ARHGAP44: variants seen among roughly 807,000 people sequenced by gnomAD.
ARHGAP44 encodes the protein rho GTPase-activating protein 44.
ARHGAP44 carries 43 observed loss-of-function variants against 106.8 expected under a neutral mutation model. The ratio of observed to expected loss-of-function variants is 0.40; its 90% CI spans 0.32 to 0.52. The LOEUF (loss-of-function observed/expected upper bound fraction) is 0.52, where lower values mean the gene tolerates loss of function less well. ARHGAP44 is among the 20% of genes least tolerant of loss of function. The probability of loss-of-function intolerance (pLI) is 0.48; values close to 1 mark genes in which losing one functional copy is unlikely to be tolerated. For synonymous variants in ARHGAP44, 439 were observed against 410.3 expected, an observed-to-expected ratio of 1.07 and a Z score of -0.85; for missense variants, 866 against 1,050.5, an observed-to-expected ratio of 0.82 and a Z score of 2.43.
chr17:12,973,025 TCTTC>T (rs1237449213), intron 16 of ARHGAP44: 3 of 403,106 alleles, frequency 7.4e-6, no homozygotes, highest in Non-Finnish European at 1.3e-5. Flanking sequence ...CCAGTTTCTT[TCTTC>T]CTTCTGCCTC....
chr17:12,922,314 C>T (rs776348355), intron 6 of ARHGAP44, among the ~76,000 whole-genome samples: 12 of 152,154 alleles, frequency 7.9e-5, no homozygotes, highest in South Asian at 2.1e-4. Context: ...ACCTCTTTAG[C>T]GTGCTTGGAG....
intron 1 of ARHGAP44, among the ~76,000 whole-genome samples, chr17:12,843,815 C>T (rs2035488570): frequency 6.6e-6 from 1 of 151,956 alleles, no homozygotes; most frequent in Non-Finnish European, 1.5e-5. Context: ...GCCACCATGC[C>T]TGGCTAATTT....
At chr17:12,913,876 A>G (rs2108539) in intron 4 of ARHGAP44, among the ~76,000 whole-genome samples, 109,330 of 151,280 alleles carry the variant, frequency 0.72, 39,778 homozygotes, top group East Asian at 0.98. Flanking sequence ...GGCTGAAGCA[A>G]GAGAATTGCT....
chr17:12,823,499 A>C (rs1275878876), intron 1 of ARHGAP44, among the ~76,000 whole-genome samples: 1 of 151,748 alleles, frequency 6.6e-6, no homozygotes, highest in Non-Finnish European at 1.5e-5. Flanking sequence ...AGAAGTTAAG[A>C]CTCACTATTT....
intron 16 of ARHGAP44, among the ~76,000 whole-genome samples, chr17:12,960,192 TAGTG>T: frequency 6.6e-6 from 1 of 152,260 alleles, no homozygotes; most frequent in African/African-American, 2.4e-5. Flanking sequence ...GTTCTCCACT[TAGTG>T]GAGAAAGAAA....
intron 16 of ARHGAP44, among the ~76,000 whole-genome samples, chr17:12,960,020 T>C (rs2039220059): frequency 6.6e-6 from 1 of 152,190 alleles, no homozygotes; most frequent in East Asian, 1.9e-4. Context: ...TGGGAGTTGG[T>C]ATTGGAGAAC....
chr17:12,894,873 T>A (rs1266183035), intron 1 of ARHGAP44, 67 bp from the exon 2 acceptor site: 1 of 1,416,276 alleles, frequency 7.1e-7, no homozygotes, highest in Non-Finnish European at 9.8e-7. Flanking sequence ...ATTGAAGAGA[T>A]TAGGGAGTAA....
At chr17:12,947,567 T>G (rs570670449) in intron 10 of ARHGAP44, among the ~76,000 whole-genome samples, 15 of 152,272 alleles carry the variant, frequency 9.9e-5, no homozygotes, top group Non-Finnish European at 1.0e-4. Context: ...CCATGCACAC[T>G]TTCCTCTAAC....
At chr17:12,927,517 A>T (rs2038283194) in intron 6 of ARHGAP44, among the ~76,000 whole-genome samples, 1 of 152,184 alleles carries the variant, frequency 6.6e-6, no homozygotes, top group South Asian at 2.1e-4. Context: ...GAGCCCCCAG[A>T]GCTCTCTTGT....
At chr17:12,973,911 G>C in intron 17 of ARHGAP44, 178 bp from the exon 18 acceptor site, 1 of 701,772 alleles carries the variant, frequency 1.4e-6, no homozygotes, top group South Asian at 1.8e-5. Flanking sequence ...TGTCTTGGCC[G>C]CCGGGAGCAG....
At position 12,974,095 on chromosome 17, in the gene ARHGAP44, T is replaced by C; in HGVS notation, c.1548T>C (p.Gly516=). ...TCTTTGTGTCCCTCGCCAGCATGGGTGTGAGGGTCATGGACACAAACTGGG... is the reference window on the plus strand; with the variant it reads ...TCTTTGTGTCCCTCGCCAGCATGGGCGTGAGGGTCATGGACACAAACTGGG... ...KDGLRKIQSM[G]VRVMDTNWVA... Residue 516 remains glycine, a synonymous_variant, in exon 18 of 21, where the codon GGT becomes GGC. Transcript: ENST00000379672. 3.8e-6 allele frequency: 6 copies of C among 1,566,060 alleles called. No homozygotes were observed. The South Asian group carries it at 7.1e-5, about 18-fold the overall frequency.
intron 16 of ARHGAP44, among the ~76,000 whole-genome samples, chr17:12,959,634 A>G (rs2039210161): frequency 6.6e-6 from 1 of 152,218 alleles, no homozygotes; most frequent in African/African-American, 2.4e-5. Flanking sequence ...CAACCAGAGG[A>G]CGTGGACTAA....
At position 12,991,158 on chromosome 17, in the gene ARHGAP44, T is replaced by G. The variant is rs997368164; in HGVS notation, c.*987T>G. On this transcript the variant is annotated 3_prime_UTR_variant, in exon 21 of 21. Transcript: ENST00000379672. Reference sequence around the variant, plus strand: ...TCACCAGCGTCAGCCGCTCATTTCCTTCTCATGAAGTCCCATCTGGTCATG... The same window carrying G: ...TCACCAGCGTCAGCCGCTCATTTCCGTCTCATGAAGTCCCATCTGGTCATG... The G allele has an allele frequency of 6.6e-6, 1 of 152,642 alleles. No individual in the cohort carries two copies. Among genetic ancestry groups the G allele is most frequent in the Admixed American group, 6.5e-5 (1 of 15,280 alleles). 9.5% of individuals were successfully genotyped at this position (152,642 alleles called of 1,614,324 possible). A position where few individuals can be genotyped will look rare whatever the true frequency, so the allele number is the denominator to read the frequency against.
At chr17:12,797,393 T>C (rs2033956824) in intron 1 of ARHGAP44, among the ~76,000 whole-genome samples, 1 of 152,226 alleles carries the variant, frequency 6.6e-6, no homozygotes, top group African/African-American at 2.4e-5. Flanking sequence ...CCCACCATAT[T>C]GAAGTATCAT....
intron 1 of ARHGAP44, among the ~76,000 whole-genome samples, chr17:12,867,526 C>G (rs985895254): frequency 6.6e-6 from 1 of 152,122 alleles, no homozygotes; most frequent in Non-Finnish European, 1.5e-5. Flanking sequence ...GATATTTTGT[C>G]ATTTCAGCAT....
chr17:12,872,147 C>T (rs1412407136), intron 1 of ARHGAP44, among the ~76,000 whole-genome samples: 1 of 152,180 alleles, frequency 6.6e-6, no homozygotes, highest in Non-Finnish European at 1.5e-5. Flanking sequence ...TTCTTTGATT[C>T]ATCTTTTAAT....
intron 1 of ARHGAP44, among the ~76,000 whole-genome samples, chr17:12,791,622 G>A (rs2033761162): frequency 6.6e-6 from 1 of 152,130 alleles, no homozygotes; most frequent in African/African-American, 2.4e-5. Context: ...TTTTAAATGG[G>A]GGAGATTTTT....
chr17:12,971,553 A>G (rs112851563), intron 16 of ARHGAP44, among the ~76,000 whole-genome samples: 54 of 152,286 alleles, frequency 3.5e-4, no homozygotes, highest in Non-Finnish European at 6.6e-4. Context: ...TCATCCTGAT[A>G]CATTCTGAAG....
chr17:12,885,011 C>G (rs1445530100), intron 1 of ARHGAP44, among the ~76,000 whole-genome samples: 1 of 152,182 alleles, frequency 6.6e-6, no homozygotes, highest in Non-Finnish European at 1.5e-5. Flanking sequence ...AGCGATTCTT[C>G]TGCCTCAGCC....
Sources: gnomAD v4.1 joint callset for allele counts (sites outside exome capture counted in the v4.1 genomes callset) on GRCh38, gnomAD v4.1.1 for gene constraint, MANE v1.5 for transcripts, NCBI Gene and HGNC (gene_info 2026-07-23, HGNC 2026-07-21) for gene names.